Variants in GALNT13 observed in about 807,000 individuals in gnomAD.
The protein encoded by GALNT13 is polypeptide N-acetylgalactosaminyltransferase 13, also known as UDP-GalNAc:polypeptide N-acetylgalactosaminyltransferase 13.
Under a neutral mutation model 64.2 loss-of-function variants are expected in GALNT13, and 28 were observed. The observed-to-expected ratio is 0.44, with a 90% CI of 0.32 to 0.60. The LOEUF (loss-of-function observed/expected upper bound fraction) is 0.60. Among genes scored for constraint, GALNT13 ranks in the 20% least tolerant of loss-of-function variants. The pLI is 0.05. For missense variants in GALNT13, 577 were observed against 669.8 expected (o/e 0.86, Z 1.53); for synonymous variants, 214 against 224.6 (o/e 0.95, Z 0.42).
At chr2:153,688,330 T>C in the GALNT13 span, among the ~76,000 whole-genome samples, 1 of 152,006 alleles carries the variant, frequency 6.6e-6, no homozygotes, top group African/African-American at 2.4e-5. Context: ...AAAACTTTCA[T>C]AGAACATGAA....
rs1374537195 is a variant in GALNT13 at position 153,903,091 on chromosome 2, G to T, written c.-105+2084G>T. Among the ~76,000 whole-genome samples, 3 of 151,960 alleles carry T rather than the reference G, an allele frequency of 2.0e-5. 1 individual carries two copies. The highest frequency in any genetic ancestry group is 2.0e-4 in the Admixed American group (3 of 15,224). ...CCTTTAGGGAGAAATGTACCTTATG[G>T]TTAGTGATAAATCTCTTGTATATAT... On this transcript the variant is annotated intron_variant, in intron 2 of 12. Coordinates refer to ENST00000392825, the MANE Select transcript of GALNT13 (RefSeq NM_052917.4).
At chr2:153,778,618 C>T in the GALNT13 span, among the ~76,000 whole-genome samples, 1 of 152,158 alleles carries the variant, frequency 6.6e-6, no homozygotes, top group African/African-American at 2.4e-5. Flanking sequence ...TATCTTATGA[C>T]TCATAATGGA....
chr2:153,545,248 C>G, the GALNT13 span, among the ~76,000 whole-genome samples: 1 of 152,096 alleles, frequency 6.6e-6, no homozygotes, highest in African/African-American at 2.4e-5. Flanking sequence ...GGCCCTTCTT[C>G]TCAAGGTTCA....
the GALNT13 span, among the ~76,000 whole-genome samples, chr2:153,435,629 T>A: frequency 1.3e-5 from 2 of 150,062 alleles, no homozygotes; most frequent in Admixed American, 1.3e-4. Flanking sequence ...GGCTCTCTGT[T>A]TGTCTGTTAT....
the GALNT13 span, among the ~76,000 whole-genome samples, chr2:153,498,136 C>T: frequency 1.3e-5 from 2 of 152,212 alleles, no homozygotes; most frequent in Non-Finnish European, 2.9e-5. Flanking sequence ...TCAGGTCATG[C>T]AGTGACATCT....
chr2:154,392,565 G>T (rs1698846373), intron 9 of GALNT13, among the ~76,000 whole-genome samples: 1 of 152,132 alleles, frequency 6.6e-6, no homozygotes, highest in African/African-American at 2.4e-5. Context: ...TTATTCAAAA[G>T]AAACCATAAA....
intron 3 of GALNT13, among the ~76,000 whole-genome samples, chr2:154,019,868 C>G (rs1455296113): frequency 6.8e-6 from 1 of 148,032 alleles, no homozygotes; most frequent in East Asian, 2.1e-4. Flanking sequence ...CACCCCACAA[C>G]AGTCCCCAGA....
intron 4 of GALNT13, among the ~76,000 whole-genome samples, chr2:154,150,293 G>A (rs1683908716): frequency 6.6e-6 from 1 of 152,070 alleles, no homozygotes; most frequent in South Asian, 2.1e-4. Context: ...TGATCATGGT[G>A]GATAAGCTTT....
At chr2:154,287,249 G>A in intron 8 of GALNT13, 1 of 955,188 alleles carries the variant, frequency 1.0e-6, no homozygotes, top group Non-Finnish European at 1.7e-6. Flanking sequence ...CATCATCTTT[G>A]CCGACGGCAA....
At chr2:154,313,417 GATATAT>G (rs10567387) in intron 9 of GALNT13, among the ~76,000 whole-genome samples, 30 of 58,316 alleles carry the variant, frequency 5.1e-4, no homozygotes, top group African/African-American at 1.3e-3. Context: ...ACCCAGTAGA[GATATAT>G]ATATATATAT....
At chr2:153,974,362 A>G (rs114879991) in intron 3 of GALNT13, among the ~76,000 whole-genome samples, 2 of 152,110 alleles carry the variant, frequency 1.3e-5, no homozygotes, top group African/African-American at 4.8e-5. Context: ...CATTACCTGA[A>G]GGTGTGACCT....
chr2:153,392,435 C>G, the GALNT13 span, among the ~76,000 whole-genome samples: 1 of 152,030 alleles, frequency 6.6e-6, no homozygotes, highest in Non-Finnish European at 1.5e-5. Context: ...TTGTTTCCAT[C>G]TCAAAGCAGA....
chr2:154,245,935 C>T lies in GALNT13; in HGVS notation c.810C>T (p.Pro270=), dbSNP rs534771328. The part of the protein sequence containing the change: ...WKLNFRWYPV[P]QREMDRRKGD... The stretch of plus-strand genomic sequence containing the variant: ...TGAATTTCCGCTGGTATCCTGTTCC[C>T]CAAAGAGAAATGGACAGGAGGAAAG... Residue 270 remains proline, a synonymous_variant, in exon 7 of 13, where the codon CCC becomes CCT. Transcript: ENST00000392825. The T allele has an allele frequency of 2.5e-5, 41 of 1,612,792 alleles. No homozygotes were observed. The highest frequency in any genetic ancestry group is 3.3e-5 in the Non-Finnish European group (39 of 1,179,310).
rs201564036 is a variant in GALNT13, at chr2:154,135,264, TA to T, written c.143-5064del. Among the ~76,000 whole-genome samples, 572 of 151,146 alleles carry T rather than the reference TA, an allele frequency of 3.8e-3. 6 individuals carry two copies. The highest frequency in any genetic ancestry group is 0.013 in the African/African-American group (544 of 41,222). On this transcript the variant is annotated intron_variant, in intron 3 of 12. Transcript: ENST00000392825. The stretch of plus-strand genomic sequence containing the variant: ...TATCATAAAAATAATATATTTTGAG[TA>T]AAAAAAAATGTTGGTGATCAGTGTT...
chr2:153,077,637 T>G, the GALNT13 span, among the ~76,000 whole-genome samples: 32 of 152,292 alleles, frequency 2.1e-4, no homozygotes, highest in African/African-American at 7.5e-4. Context: ...TTACAGCATT[T>G]ATCAGAAATG....
chr2:153,128,066 A>G, the GALNT13 span, among the ~76,000 whole-genome samples: 5 of 152,172 alleles, frequency 3.3e-5, no homozygotes, highest in Admixed American at 2.0e-4. Context: ...CAAGGTAGAG[A>G]AGGATTTGAT....
At chr2:153,920,916 C>T (rs11898286) in intron 2 of GALNT13, among the ~76,000 whole-genome samples, 14,172 of 152,104 alleles carry the variant, frequency 0.093, 1,676 homozygotes, top group East Asian at 0.62. Flanking sequence ...AGATCAAAAC[C>T]ACCATGAGAT....
At chr2:153,160,630 G>C in the GALNT13 span, among the ~76,000 whole-genome samples, 5 of 152,310 alleles carry the variant, frequency 3.3e-5, no homozygotes, top group South Asian at 1.0e-3. Flanking sequence ...AAATAAAAGA[G>C]AGAAGCATGT....
intron 9 of GALNT13, among the ~76,000 whole-genome samples, chr2:154,373,541 G>A (rs553611718): frequency 1.3e-5 from 2 of 152,154 alleles, no homozygotes; most frequent in South Asian, 2.1e-4. Flanking sequence ...TTGTTGAAGA[G>A]CATATAGACA....
Sources: gnomAD v4.1 joint callset for allele counts (sites outside exome capture counted in the v4.1 genomes callset) on GRCh38, gnomAD v4.1.1 for gene constraint, MANE v1.5 for transcripts, NCBI Gene and HGNC (gene_info 2026-07-23, HGNC 2026-07-21) for gene names.